LGI3: variants seen among roughly 807,000 people sequenced by gnomAD.
LGI3 encodes leucine rich repeat LGI family member 3.
LGI3 carries 47 observed loss-of-function variants against 55.4 expected under a neutral mutation model. That is an observed-to-expected ratio of 0.85 (90% confidence interval 0.67 to 1.08). The LOEUF is 1.08. Among genes scored for constraint, LGI3 ranks in the 50% least tolerant of loss-of-function variants. LGI3 has a pLI of 0.00. For synonymous variants in LGI3, 326 were observed against 315.0 expected (o/e 1.04, Z -0.37); for missense variants, 664 against 726.3 (o/e 0.91, Z 0.99).
In LGI3 at chr8:22,154,189, C is replaced by T. The variant is rs1827455408; in HGVS notation, c.375G>A (p.Trp125Ter). ...CTCGGAAGGTGAACTTGGATAGTGC[C>T]CAGATGTCATTGTTCTCAATGAAGC... ...QYLFIENNDIWALSKFTFRGL... is the reference protein window; with the variant it reads ...QYLFIENNDI Residue 125 changes from tryptophan (W) to a stop codon, truncating the protein, a stop_gained, in exon 4 of 8, where the codon TGG becomes TGA. Coordinates refer to ENST00000306317, the MANE Select transcript of LGI3 (RefSeq NM_139278.4). LOFTEE classifies it high-confidence loss of function. The T allele has an allele frequency of 6.2e-7, 1 of 1,613,896 alleles. No homozygotes were observed. Among genetic ancestry groups the T allele is most frequent in the African/African-American group, 1.3e-5 (1 of 74,846 alleles).
At chr8:22,155,702 T>C (rs1031044328) in intron 1 of LGI3, among the ~76,000 whole-genome samples, 1 of 152,168 alleles carries the variant, frequency 6.6e-6, no homozygotes, top group Non-Finnish European at 1.5e-5. Context: ...AGCTTCCCTC[T>C]CAGGCAAGAA....
chr8:22,148,553 G>A lies in LGI3; in HGVS notation c.1254C>T (p.Thr418=), dbSNP rs1387789032. 1.2e-6 allele frequency: 2 copies of A among 1,613,758 alleles called. No homozygotes were observed. Among genetic ancestry groups the A allele is most frequent in the East Asian group, 2.2e-5 (1 of 44,886 alleles). ...TCACAGCTTGGGCATCAGGCACCTG[G>A]GTCACCTCACCCTGGGCCACAAACT... The part of the protein sequence containing the change: ...QKQFVAQGEV[T]QVPDAQAVKH... Residue 418 remains threonine, a synonymous_variant, in exon 8 of 8, where the codon ACC becomes ACT. Transcript: ENST00000306317. The surrounding 1 kb of genome is among the most constrained non-coding windows in gnomAD (Gnocchi z 7.0).
rs143382116 is a variant in LGI3, at chr8:22,153,976, C to G, written c.486G>C (p.Leu162=). 6.2e-7 allele frequency: 1 copy of G among 1,614,028 alleles called. No homozygotes were observed. The highest frequency in any genetic ancestry group is 1.1e-5 in the South Asian group (1 of 91,076). ...CAGGACTCAGGCCTTACAAGTCATT[C>G]AGGATGTCCAGGGGCCGGAAGATGT... The part of the protein sequence containing the change: ...PRDIFRPLDI[L]NDLDLRGNSL... Residue 162 remains leucine, a synonymous_variant, in exon 5 of 8, where the codon CTG becomes CTC. Coordinates refer to ENST00000306317, the MANE Select transcript of LGI3 (RefSeq NM_139278.4).
Position 22,148,823 on chromosome 8 carries a change from C to G in LGI3, c.984G>C (p.Lys328Asn). The G allele has an allele frequency of 2.5e-6, 4 of 1,614,202 alleles. No individual in the cohort carries two copies. Among genetic ancestry groups the G allele is most frequent in the Non-Finnish European group, 3.4e-6 (4 of 1,180,030 alleles). ...TGCGGAAGGCTTCTAGGTCGTTAGG[C>G]TTGCGCACGCGCTGCGGGTCAATGT... ...LQDIDPQRVRKPNDLEAFRID... is the reference protein window; with the variant it reads ...LQDIDPQRVRNPNDLEAFRID... The change falls in exon 8 of 8, where the codon AAG becomes AAC. Residue 328 changes from lysine (K) to asparagine (N), a missense_variant. By Grantham distance (94) the Lys-to-Asn change is moderately conservative (BLOSUM62 0). Transcript: ENST00000306317. This position sits in a 1 kb window ranked among gnomAD's most constrained non-coding sequence, Gnocchi z 7.0.
At chr8:22,156,253 A>G in intron 1 of LGI3, 84 bp downstream of exon 1, 2 of 1,414,292 alleles carry the variant, frequency 1.4e-6, no homozygotes, top group East Asian at 2.4e-5. Flanking sequence ...GAAGAGGGGG[A>G]GCGGGGGTTC....
At chr8:22,155,314 C>T in intron 2 of LGI3, 78 bp downstream of exon 2, 1 of 1,357,212 alleles carries the variant, frequency 7.4e-7, no homozygotes, top group Non-Finnish European at 1.0e-6. Context: ...TGTCCACTCT[C>T]CCTCTCCCCA....
In LGI3 at chr8:22,156,345, G is replaced by T; in HGVS notation, c.198C>A (p.Val66=). 2.5e-6 allele frequency: 4 copies of T among 1,610,048 alleles called. No individual in the cohort carries two copies. Among genetic ancestry groups the T allele is most frequent in the African/African-American group, 1.3e-5 (1 of 74,620 alleles). ...CAGGGCTGGACACTCACAGGGAGAT[G>T]ACCTCCGAGGGCAGGTTCCTGGGCA... ...KAVPRNLPSE[V]ISLTLVNAAF... is the part of the protein sequence containing the mutation. Residue 66 remains valine (V), a synonymous_variant, in exon 1 of 8, where the codon GTC becomes GTA. Coordinates refer to ENST00000306317, the MANE Select transcript of LGI3 (RefSeq NM_139278.4).
intron 2 of LGI3, 195 bp downstream of exon 2, chr8:22,155,197 C>G: frequency 1.6e-6 from 1 of 607,828 alleles, no homozygotes; most frequent in Non-Finnish European, 2.9e-6. Flanking sequence ...CCTAGCTGTC[C>G]TCCTGCTGCC....
At chr8:22,149,056 C>G (rs1827345848) in intron 7 of LGI3, 79 bp from the exon 8 acceptor site, 1 of 1,024,234 alleles carries the variant, frequency 9.8e-7, no homozygotes, top group Non-Finnish European at 1.4e-6. Flanking sequence ...GAAGGCCAGT[C>G]CCTTCCAAAC....
At position 22,156,571 on chromosome 8, in the gene LGI3, C is replaced by T. The variant is rs1266421579; in HGVS notation, c.-29G>A. ...GCCCGCGATCTCTCCCTGGGGCCGG[C>T]GGCCGCGGCCCCCGCCCCACCGCTC... On this transcript the variant is annotated 5_prime_UTR_variant, in exon 1 of 8. Coordinates refer to ENST00000306317, the MANE Select transcript of LGI3 (RefSeq NM_139278.4). 5.3e-6 allele frequency: 5 copies of T among 941,588 alleles called. No individual in the cohort carries two copies. Among genetic ancestry groups the T allele is most frequent in the Middle Eastern group, 7.7e-4 (2 of 2,594 alleles). 58.3% of individuals were successfully genotyped at this position (941,588 alleles called of 1,614,324 possible).
chr8:22,153,583 T>G (rs1231593870), intron 5 of LGI3, among the ~76,000 whole-genome samples: 2 of 151,684 alleles, frequency 1.3e-5, no homozygotes. Flanking sequence ...ACACCTATAG[T>G]CCCTTAGTCC....
chr8:22,151,730 T>C (rs1334377013), intron 6 of LGI3, 77 bp from the exon 7 acceptor site: 2 of 1,575,000 alleles, frequency 1.3e-6, no homozygotes, highest in Non-Finnish European at 8.7e-7. Context: ...GTTGCTTTAC[T>C]GCTGCCGCTG....
In LGI3 at chr8:22,147,335, G is replaced by A. The variant is rs1827314892; in HGVS notation, c.*825C>T. On this transcript the variant is annotated 3_prime_UTR_variant, in exon 8 of 8. Coordinates refer to ENST00000306317, the MANE Select transcript of LGI3 (RefSeq NM_139278.4). Reference sequence around the variant, plus strand: ...TTCACGGCCATGAAGGAAACGCCAAGGAGAACAGAGACAGACACCCCTGGC... The same window carrying A: ...TTCACGGCCATGAAGGAAACGCCAAAGAGAACAGAGACAGACACCCCTGGC... 1 of 152,328 alleles carries A rather than the reference G, an allele frequency of 6.6e-6. No individual in the cohort carries two copies. The highest frequency in any genetic ancestry group is 6.5e-5 in the Admixed American group (1 of 15,290). The allele number at this position is 152,328 out of a possible 1,614,324, so 9.4% of individuals were successfully genotyped here.
At position 22,151,558 on chromosome 8, in the gene LGI3, C is replaced by T; in HGVS notation, c.760G>A (p.Val254Ile). The T allele has an allele frequency of 6.2e-7, 1 of 1,614,170 alleles. No individual in the cohort carries two copies. Among genetic ancestry groups the T allele is most frequent in the Non-Finnish European group, 8.5e-7 (1 of 1,180,030 alleles). Residue 254 changes from valine to isoleucine, a missense_variant, in exon 7 of 8, where the codon GTC becomes ATC. Coordinates refer to ENST00000306317, the MANE Select transcript of LGI3 (RefSeq NM_139278.4). ...DLYLALAQPG[V>I]SACTILKWDY... ...CACTTCAGGATGGTGCAGGCACTGA[C>T]TCCTGGCTGGGCCAGAGCCAAATAG...
At chr8:22,150,244 GTTTTGT>G (rs1041905450) in intron 7 of LGI3, among the ~76,000 whole-genome samples, 2 of 151,098 alleles carry the variant, frequency 1.3e-5, no homozygotes, top group African/African-American at 2.4e-5. Context: ...AGGAGAAGGT[GTTTTGT>G]TTTTGTTTTT....
At chr8:22,154,265 A>T in intron 3 of LGI3, 52 bp from the exon 4 acceptor site, 1 of 1,446,534 alleles carries the variant, frequency 6.9e-7, no homozygotes, top group Non-Finnish European at 9.7e-7. Flanking sequence ...CCAGACCCCC[A>T]GCAGCACTCG....
At chr8:22,149,007 G>A in intron 7 of LGI3, 30 bp from the exon 8 acceptor site, 2 of 1,537,160 alleles carry the variant, frequency 1.3e-6, no homozygotes, top group Non-Finnish European at 1.8e-6. Context: ...GACAGCATCA[G>A]GCAGGCCGGC....
At chr8:22,155,536 G>A (rs1399480630) in intron 1 of LGI3, 73 bp from the exon 2 acceptor site, 3 of 1,255,648 alleles carry the variant, frequency 2.4e-6, no homozygotes, top group Admixed American at 1.7e-5. Context: ...TGAACACGGA[G>A]GGCAGTAGCT....
Position 22,154,015 on chromosome 8 carries a change from C to T in LGI3, c.447G>A (p.Gln149=). 2 of 1,614,218 alleles carry T rather than the reference C, an allele frequency of 1.2e-6. No individual in the cohort carries two copies. Among genetic ancestry groups the T allele is most frequent in the Non-Finnish European group, 1.7e-6 (2 of 1,180,040 alleles). Reference sequence around the variant, plus strand: ...GCCGGAAGATGTCTCTGGGCAGTGTCTGCAGGTTATTGTTGGCCAGCGAGC... The same window carrying T: ...GCCGGAAGATGTCTCTGGGCAGTGTTTGCAGGTTATTGTTGGCCAGCGAGC... ...THLSLANNNL[Q]TLPRDIFRPL... is the part of the protein sequence containing the mutation. Residue 149 remains glutamine (Q), a synonymous_variant, in exon 5 of 8, where the codon CAG becomes CAA. Transcript: ENST00000306317.
Sources: gnomAD v4.1 joint callset for allele counts (sites outside exome capture counted in the v4.1 genomes callset) on GRCh38, gnomAD v4.1.1 for gene constraint, Gnocchi (gnomAD v3.1) non-coding constraint, MANE v1.5 for transcripts, NCBI Gene and HGNC (gene_info 2026-07-23, HGNC 2026-07-21) for gene names.